Variants in SPPL3 observed in about 807,000 individuals in gnomAD.
The protein encoded by SPPL3 is signal peptide peptidase-like 3.
A neutral mutation model predicts 42.4 loss-of-function variants in SPPL3; 5 were observed. That is an observed-to-expected ratio of 0.12 (90% CI 0.06 to 0.25). The LOEUF (loss-of-function observed/expected upper bound fraction) is 0.25. Ranked by LOEUF, SPPL3 falls within the 10% of genes least tolerant of loss-of-function variation. SPPL3 has a pLI of 1.00. For synonymous variants in SPPL3, 195 were observed against 181.8 expected (o/e 1.07, Z -0.58); for missense variants, 235 against 489.0 (o/e 0.48, Z 4.90).
intron 1 of SPPL3, among the ~76,000 whole-genome samples, chr12:120,867,157 T>C (rs1872778275): frequency 6.6e-6 from 1 of 152,202 alleles, no homozygotes; most frequent in Non-Finnish European, 1.5e-5. Context: ...GCACACTCTT[T>C]TTGAGAAAGA....
At chr12:120,862,437 C>A (rs1266365681) in intron 1 of SPPL3, among the ~76,000 whole-genome samples, 1 of 152,174 alleles carries the variant, frequency 6.6e-6, no homozygotes, top group Non-Finnish European at 1.5e-5. Flanking sequence ...CCAGGTCACC[C>A]GTACTTCTGA....
chr12:120,818,784 T>C (rs1231125338), intron 1 of SPPL3, among the ~76,000 whole-genome samples: 8 of 151,590 alleles, frequency 5.3e-5, no homozygotes, highest in Non-Finnish European at 1.2e-4. Flanking sequence ...GGGTTAGTGA[T>C]ATTTACCGTA....
intron 1 of SPPL3, 109 bp downstream of exon 1, chr12:120,903,736 C>CG (rs1488215618): frequency 3.1e-6 from 2 of 646,324 alleles, no homozygotes; most frequent in Non-Finnish European, 4.7e-6. Flanking sequence ...ACCCGCGCCC[C>CG]CCCCCCACGA....
intron 1 of SPPL3, among the ~76,000 whole-genome samples, chr12:120,857,804 C>T (rs568182043): frequency 6.6e-6 from 1 of 152,238 alleles, no homozygotes; most frequent in East Asian, 1.9e-4. Flanking sequence ...ACAACACACA[C>T]CAGAGCCTGT....
intron 1 of SPPL3, among the ~76,000 whole-genome samples, chr12:120,853,977 CACACAT>C (rs1473472690): frequency 1.2e-4 from 11 of 90,876 alleles, no homozygotes; most frequent in Non-Finnish European, 1.7e-4. Context: ...CACACACACG[CACACAT>C]ACACACACAC....
intron 1 of SPPL3, among the ~76,000 whole-genome samples, chr12:120,833,208 G>A (rs1415334631): frequency 6.6e-6 from 1 of 152,002 alleles, no homozygotes; most frequent in African/African-American, 2.4e-5. Flanking sequence ...AAAAGCAAAG[G>A]GTACAATAAG....
At chr12:120,789,290 C>T (rs1420058043) in intron 3 of SPPL3, among the ~76,000 whole-genome samples, 2 of 151,322 alleles carry the variant, frequency 1.3e-5, no homozygotes, top group East Asian at 1.9e-4. Flanking sequence ...CCCATCTCTA[C>T]TAAAAATACA....
intron 1 of SPPL3, 99 bp downstream of exon 1, chr12:120,903,746 A>G: frequency 5.8e-6 from 2 of 344,858 alleles, no homozygotes; most frequent in Non-Finnish European, 1.0e-5. Context: ...CCCCCCCACG[A>G]CACGCACCTG....
At chr12:120,821,106 A>G (rs1347167062) in intron 1 of SPPL3, among the ~76,000 whole-genome samples, 1 of 152,248 alleles carries the variant, frequency 6.6e-6, no homozygotes, top group Admixed American at 6.5e-5. Flanking sequence ...AAAGAAAGGT[A>G]TTAGTCTTCA....
chr12:120,858,474 AAC>A (rs1491319155), intron 1 of SPPL3, among the ~76,000 whole-genome samples: 1 of 151,810 alleles, frequency 6.6e-6, no homozygotes, highest in East Asian at 1.9e-4. Flanking sequence ...CAAAAAAAAA[AAC>A]AAAGAAAATG....
chr12:120,862,482 C>T (rs536026259), intron 1 of SPPL3, among the ~76,000 whole-genome samples: 65 of 152,242 alleles, frequency 4.3e-4, no homozygotes, highest in Non-Finnish European at 7.6e-4. Context: ...TTCCACAATC[C>T]CTTTCTCAGG....
chr12:120,884,258 T>C (rs1593010864), intron 1 of SPPL3, among the ~76,000 whole-genome samples: 2 of 152,126 alleles, frequency 1.3e-5, no homozygotes, highest in East Asian at 1.9e-4. Context: ...TTCCAGAACA[T>C]TGGTAATCCT....
rs114971060 is a variant in SPPL3 at position 120,791,252 on chromosome 12, C to T, written c.190+217G>A. On this transcript the variant is annotated intron_variant, in intron 3 of 10. Coordinates refer to ENST00000353487, the MANE Select transcript of SPPL3 (RefSeq NM_139015.5). ...GTATTAATATTATCAAATCAAGTCA[C>T]TTCAAATTCAAATCTTTCTATAAGC... Among the ~76,000 whole-genome samples, 945 of 152,298 alleles carry T rather than the reference C, an allele frequency of 6.2e-3. 16 individuals carry two copies. The highest frequency in any genetic ancestry group is 0.022 in the African/African-American group (904 of 41,576).
intron 1 of SPPL3, among the ~76,000 whole-genome samples, chr12:120,846,213 C>A (rs908380089): frequency 6.6e-6 from 1 of 152,136 alleles, no homozygotes; most frequent in African/African-American, 2.4e-5. Flanking sequence ...CTGGCACATA[C>A]ATAACAAGAG....
Position 120,770,786 on chromosome 12 carries a change from T to G in SPPL3, c.503-1727A>C, listed in dbSNP as rs570945654. ...GGCTCTTGACACTATCTATCTTATA[T>G]GTCATCAACTCACACATTTTAATTT... On this transcript the variant is annotated intron_variant, in intron 6 of 10. Coordinates refer to ENST00000353487, the MANE Select transcript of SPPL3 (RefSeq NM_139015.5). 7.2e-5 allele frequency among the ~76,000 whole-genome samples: 11 copies of G among 152,316 alleles called. No individual in the cohort carries two copies. In the South Asian group the frequency reaches 2.3e-3, roughly 32 times the overall value.
chr12:120,779,280 A>G (rs1465213132), intron 6 of SPPL3, among the ~76,000 whole-genome samples: 1 of 152,198 alleles, frequency 6.6e-6, no homozygotes, highest in Admixed American at 6.5e-5. Context: ...AATGATGAAC[A>G]TCAACCCCAA....
chr12:120,876,524 G>A (rs1204883525), intron 1 of SPPL3, among the ~76,000 whole-genome samples: 6 of 150,434 alleles, frequency 4.0e-5, no homozygotes, highest in African/African-American at 1.5e-4. Context: ...GGGTGAGGCA[G>A]GAGAATGGCG....
chr12:120,768,232 G>C, intron 8 of SPPL3, 93 bp downstream of exon 8: 1 of 1,442,390 alleles, frequency 6.9e-7, no homozygotes, highest in Non-Finnish European at 9.3e-7. Flanking sequence ...CCCAGGTTGG[G>C]ATCAGAATGC....
Position 120,789,824 on chromosome 12 carries a change from C to CAAAAAAAAAAA in SPPL3, c.190+1634_190+1644dup, listed in dbSNP as rs3050392. On this transcript the variant is annotated intron_variant, in intron 3 of 10. Transcript: ENST00000353487. ...TGAATGACAGAGCAAGACTCCGTCTCAAAAAAAAAAAAAAAAAAAAAAAAA... is the reference window on the plus strand; with the variant it reads ...TGAATGACAGAGCAAGACTCCGTCTCAAAAAAAAAAAAAAAAAAAAAAAAAAAAAAAAAAAA... Among the ~76,000 whole-genome samples, 226 of 30,458 alleles carry CAAAAAAAAAAA rather than the reference C, an allele frequency of 7.4e-3. 29 individuals carry two copies. Among genetic ancestry groups the CAAAAAAAAAAA allele is most frequent in the East Asian group, 0.058 (31 of 532 alleles). 20.0% of individuals were successfully genotyped at this position (30,458 alleles called of 152,430 possible). A position where few individuals can be genotyped will look rare whatever the true frequency, so the allele number is the denominator to read the frequency against.
Sources: gnomAD v4.1 joint callset for allele counts (sites outside exome capture counted in the v4.1 genomes callset) on GRCh38, gnomAD v4.1.1 for gene constraint, MANE v1.5 for transcripts, NCBI Gene and HGNC (gene_info 2026-07-23, HGNC 2026-07-21) for gene names.